ATAD2B: variants seen among roughly 807,000 people sequenced by gnomAD.
ATAD2B encodes ATPase family AAA domain containing 2B.
Under a neutral mutation model 167.6 loss-of-function variants are expected in ATAD2B, and 40 were observed. The ratio of observed to expected loss-of-function variants is 0.24; its 90% confidence interval spans 0.19 to 0.31. The LOEUF is 0.31. Ranked by LOEUF, ATAD2B falls within the 10% of genes least tolerant of loss-of-function variation. The probability of loss-of-function intolerance (pLI) is 1.00; values close to 1 mark genes in which losing one functional copy is unlikely to be tolerated. For synonymous variants in ATAD2B, 579 were observed against 596.5 expected (o/e 0.97, Z 0.43); for missense variants, 1,242 against 1,757.2 (o/e 0.71, Z 5.24).
intron 5 of ATAD2B, 49 bp from the exon 6 acceptor site, chr2:23,884,922 A>G: frequency 8.0e-7 from 1 of 1,253,854 alleles, no homozygotes; most frequent in Non-Finnish European, 1.1e-6. Context: ...TTTATTCTCC[A>G]CTACAAAAAA....
At chr2:23,812,623 G>A (rs867873061) in intron 17 of ATAD2B, among the ~76,000 whole-genome samples, 14 of 152,152 alleles carry the variant, frequency 9.2e-5, no homozygotes, top group Admixed American at 1.3e-4. Flanking sequence ...AGCACTTTGG[G>A]AGACTGAGGC....
chr2:23,832,283 A>C (rs980692625), intron 14 of ATAD2B: 2 of 467,850 alleles, frequency 4.3e-6, no homozygotes, highest in East Asian at 1.4e-4. Context: ...ATTTAAGGGA[A>C]AAAGGTAAAC....
At chr2:23,735,327 A>C in the ATAD2B span, among the ~76,000 whole-genome samples, 11 of 152,344 alleles carry the variant, frequency 7.2e-5, no homozygotes, top group African/African-American at 2.6e-4. Flanking sequence ...CTAGCAATTA[A>C]TCTATGATGC....
At chr2:23,869,086 G>A (rs964824212) in intron 9 of ATAD2B, among the ~76,000 whole-genome samples, 5 of 151,930 alleles carry the variant, frequency 3.3e-5, no homozygotes, top group Admixed American at 2.6e-4. Context: ...CTGAAAACTT[G>A]GTATTTCTAC....
chr2:23,751,944 C>A lies in ATAD2B; in HGVS notation c.*102G>T. The A allele has an allele frequency of 5.2e-6, 5 of 954,378 alleles. No individual in the cohort carries two copies. Among genetic ancestry groups the A allele is most frequent in the Non-Finnish European group, 8.0e-6 (5 of 622,568 alleles). 59.1% of individuals were successfully genotyped at this position (954,378 alleles called of 1,614,324 possible). ...AGAATGAGTGAGAGAGCACTTTACACCAAGGCTCTGCACATAATTGGTGCA... is the reference window on the plus strand; with the variant it reads ...AGAATGAGTGAGAGAGCACTTTACAACAAGGCTCTGCACATAATTGGTGCA... On this transcript the variant is annotated 3_prime_UTR_variant, in exon 28 of 28. Coordinates refer to ENST00000238789, the MANE Select transcript of ATAD2B (RefSeq NM_017552.4).
chr2:23,775,767 T>A (rs1009638193), intron 22 of ATAD2B, among the ~76,000 whole-genome samples: 1 of 152,186 alleles, frequency 6.6e-6, no homozygotes, highest in African/African-American at 2.4e-5. Context: ...TTCTACACAC[T>A]GTCTATGAAA....
At chr2:23,683,761 C>T in the ATAD2B span, among the ~76,000 whole-genome samples, 47 of 152,260 alleles carry the variant, frequency 3.1e-4, no homozygotes, top group Middle Eastern at 3.4e-3. Flanking sequence ...TGGGAGGAGG[C>T]GCAGAGGGTC....
intron 24 of ATAD2B, among the ~76,000 whole-genome samples, chr2:23,760,733 T>TACACAC (rs1241441472): frequency 1.6e-5 from 2 of 124,914 alleles, no homozygotes; most frequent in South Asian, 5.6e-4. Context: ...CACACACATA[T>TACACAC]ACACACACAC....
chr2:23,825,130 T>TG (rs1688054858), intron 15 of ATAD2B, among the ~76,000 whole-genome samples: 1 of 139,538 alleles, frequency 7.2e-6, no homozygotes, highest in Non-Finnish European at 1.6e-5. Context: ...TTTTTTTTTT[T>TG]GTAGAGATAG....
At chr2:23,816,258 T>C (rs1057065816) in intron 17 of ATAD2B, among the ~76,000 whole-genome samples, 7 of 152,230 alleles carry the variant, frequency 4.6e-5, no homozygotes, top group African/African-American at 1.2e-4. Flanking sequence ...GTCAACATGT[T>C]AAATGTATAC....
chr2:23,708,409 A>G, the ATAD2B span: 3 of 152,192 alleles, frequency 2.0e-5, no homozygotes, highest in Non-Finnish European at 4.4e-5. Flanking sequence ...GTCTGCCTCC[A>G]AAGGAGGTTC....
At chr2:23,770,485 T>C (rs1349900246) in intron 22 of ATAD2B, among the ~76,000 whole-genome samples, 2 of 152,330 alleles carry the variant, frequency 1.3e-5, no homozygotes, top group Non-Finnish European at 2.9e-5. Context: ...ATTCTGGCTA[T>C]AGGTTTTAAG....
At chr2:23,754,149 G>C (rs773644060) in intron 27 of ATAD2B, 30 bp downstream of exon 27, 2 of 1,454,250 alleles carry the variant, frequency 1.4e-6, no homozygotes, top group South Asian at 2.8e-5. Flanking sequence ...TCAAGTATTT[G>C]TTTATTCTAC....
intron 12 of ATAD2B, among the ~76,000 whole-genome samples, chr2:23,857,929 G>A (rs1379417605): frequency 6.6e-6 from 1 of 151,050 alleles, no homozygotes; most frequent in East Asian, 2.0e-4. Context: ...TTTTTTAGTA[G>A]AGACAGGGTT....
At position 23,863,528 on chromosome 2, in the gene ATAD2B, G is replaced by A; in HGVS notation, c.1332C>T (p.Gly444=). The change falls in exon 12 of 28, where the codon GGC becomes GGT. Residue 444 remains glycine, a synonymous_variant. Transcript: ENST00000238789. ...CTCTGGCAACCAAGGTTTTACCTGT[G>A]CCAGGAGGGCCATAAAACAAACAGC... The part of the protein sequence containing the change: ...PRGCLFYGPP[G]TGKTLVARAL... 6.4e-7 allele frequency: 1 copy of A among 1,571,614 alleles called. No individual in the cohort carries two copies. The highest frequency in any genetic ancestry group is 8.6e-7 in the Non-Finnish European group (1 of 1,157,724).
intron 18 of ATAD2B, among the ~76,000 whole-genome samples, chr2:23,800,177 C>A (rs1558553095): frequency 6.6e-6 from 1 of 151,974 alleles, no homozygotes; most frequent in Non-Finnish European, 1.5e-5. Context: ...GTTCCCCACT[C>A]TGTGCTGGTA....
chr2:23,800,929 T>C (rs1199528640), intron 18 of ATAD2B, among the ~76,000 whole-genome samples: 2 of 152,130 alleles, frequency 1.3e-5, no homozygotes, highest in Admixed American at 1.3e-4. Context: ...AGTGTATAAT[T>C]ACATGAATTG....
intron 8 of ATAD2B, among the ~76,000 whole-genome samples, chr2:23,871,943 T>A (rs1573157925): frequency 6.6e-6 from 1 of 152,130 alleles, no homozygotes; most frequent in Non-Finnish European, 1.5e-5. Context: ...AATGGCGCAA[T>A]CTCGACTCAC....
chr2:23,789,608 T>C (rs1312694984), intron 19 of ATAD2B, among the ~76,000 whole-genome samples: 1 of 152,130 alleles, frequency 6.6e-6, no homozygotes, highest in Non-Finnish European at 1.5e-5. Context: ...ACCATGACAC[T>C]GTGAAAATAT....
Sources: gnomAD v4.1 joint callset for allele counts (sites outside exome capture counted in the v4.1 genomes callset) on GRCh38, gnomAD v4.1.1 for gene constraint, MANE v1.5 for transcripts, NCBI Gene and HGNC (gene_info 2026-07-23, HGNC 2026-07-21) for gene names.